The following MRPS9 variants were observed in gnomAD, a reference collection of about 807,000 sequenced individuals.
MRPS9 encodes the protein mitochondrial ribosomal protein S9, also known as small ribosomal subunit protein uS9m.
MRPS9 carries 45 observed loss-of-function variants against 59.9 expected under a neutral mutation model. The ratio of observed to expected loss-of-function variants is 0.75; its 90% CI spans 0.59 to 0.96. The LOEUF is 0.96. MRPS9 is among the 40% of genes least tolerant of loss of function. The pLI, the probability that MRPS9 is intolerant of heterozygous loss-of-function variation, is 0.00. For missense variants in MRPS9, 473 were observed against 481.1 expected, an observed-to-expected ratio of 0.98 and a Z score of 0.16; for synonymous variants, 171 against 166.8, an observed-to-expected ratio of 1.03 and a Z score of -0.19.
At chr2:105,039,795 G>T (rs75777257) in intron 1 of MRPS9, among the ~76,000 whole-genome samples, 1,870 of 152,196 alleles carry the variant, frequency 0.012, 39 homozygotes, top group African/African-American at 0.043. Context: ...GTAAACATCT[G>T]GTCTAGTTCT....
At chr2:105,091,912 TTAAAG>T (rs771958804) in intron 7 of MRPS9, among the ~76,000 whole-genome samples, 17 of 152,200 alleles carry the variant, frequency 1.1e-4, no homozygotes, top group Non-Finnish European at 2.2e-4. Context: ...ATCATAAACA[TTAAAG>T]TAACACAGCT....
At chr2:105,069,271 A>G (rs1021310398) in intron 2 of MRPS9, among the ~76,000 whole-genome samples, 3 of 148,324 alleles carry the variant, frequency 2.0e-5, no homozygotes, top group East Asian at 2.0e-4. Flanking sequence ...CTGGCGTGCA[A>G]TGGCGCGATC....
At chr2:105,053,070 C>T (rs1391157839) in intron 2 of MRPS9, among the ~76,000 whole-genome samples, 1 of 152,236 alleles carries the variant, frequency 6.6e-6, no homozygotes, top group Non-Finnish European at 1.5e-5. Context: ...AGCCCCACTT[C>T]ACTACCTTTT....
chr2:105,084,068 C>G (rs1236265978), intron 5 of MRPS9, among the ~76,000 whole-genome samples: 2 of 151,998 alleles, frequency 1.3e-5, no homozygotes, highest in East Asian at 1.9e-4. Flanking sequence ...CAAAAGCTCC[C>G]CTCATCCCAG....
chr2:105,041,006 A>G (rs534382592), intron 1 of MRPS9, among the ~76,000 whole-genome samples: 29 of 152,350 alleles, frequency 1.9e-4, no homozygotes, highest in Middle Eastern at 3.4e-3. Flanking sequence ...TTTGTCAGCA[A>G]CAATTGGTTA....
intron 2 of MRPS9, among the ~76,000 whole-genome samples, chr2:105,060,017 TAAAA>T (rs10547330): frequency 9.9e-6 from 1 of 100,600 alleles, no homozygotes. Context: ...GGAAAACTGC[TAAAA>T]AAAAAAAAAA....
chr2:105,041,647 A>C (rs1479691994), intron 1 of MRPS9, among the ~76,000 whole-genome samples: 2 of 152,142 alleles, frequency 1.3e-5, no homozygotes, highest in Non-Finnish European at 2.9e-5. Context: ...ATGGCTAAAA[A>C]ACGCTTTGAA....
At chr2:105,061,021 A>G (rs1158926546) in intron 2 of MRPS9, among the ~76,000 whole-genome samples, 1 of 144,888 alleles carries the variant, frequency 6.9e-6, no homozygotes, top group Non-Finnish European at 1.5e-5. Context: ...GAGGCAGGAG[A>G]ATGGCGTGAA....
At chr2:105,091,678 A>G (rs1354583991) in intron 7 of MRPS9, among the ~76,000 whole-genome samples, 1 of 152,202 alleles carries the variant, frequency 6.6e-6, no homozygotes, top group Non-Finnish European at 1.5e-5. Flanking sequence ...TTAACTAAGA[A>G]TCTCAAGCAT....
chr2:105,060,878 G>A (rs1027279029), intron 2 of MRPS9, among the ~76,000 whole-genome samples: 11 of 151,602 alleles, frequency 7.3e-5, no homozygotes, highest in Non-Finnish European at 1.5e-4. Context: ...TTGGGAGGCC[G>A]AGGCGGGCAG....
intron 2 of MRPS9, among the ~76,000 whole-genome samples, chr2:105,049,884 A>G (rs1679677428): frequency 6.6e-6 from 1 of 152,232 alleles, no homozygotes; most frequent in Non-Finnish European, 1.5e-5. Context: ...AGGAAGTTGA[A>G]TTTAACAACT....
At chr2:105,051,796 T>G (rs1679716367) in intron 2 of MRPS9, among the ~76,000 whole-genome samples, 1 of 152,200 alleles carries the variant, frequency 6.6e-6, no homozygotes, top group Non-Finnish European at 1.5e-5. Flanking sequence ...TCTTAACTTC[T>G]ATTGTAAATA....
chr2:105,055,767 G>A (rs1463430363), intron 2 of MRPS9, among the ~76,000 whole-genome samples: 1 of 152,058 alleles, frequency 6.6e-6, no homozygotes, highest in East Asian at 1.9e-4. Context: ...TTTATAAGTG[G>A]CTCAGCAGTA....
chr2:105,083,698 A>G (rs1276717901), intron 5 of MRPS9, among the ~76,000 whole-genome samples: 1 of 152,130 alleles, frequency 6.6e-6, no homozygotes, highest in East Asian at 1.9e-4. Context: ...ATTCTTCAGG[A>G]AAGAGGCTCT....
chr2:105,091,620 A>G (rs1193466932), intron 7 of MRPS9, among the ~76,000 whole-genome samples: 1 of 152,204 alleles, frequency 6.6e-6, no homozygotes, highest in Non-Finnish European at 1.5e-5. Flanking sequence ...TTTAACGCCG[A>G]CAAAAAACAT....
intron 2 of MRPS9, among the ~76,000 whole-genome samples, chr2:105,059,311 A>G (rs1291759572): frequency 6.6e-6 from 1 of 152,142 alleles, no homozygotes; most frequent in Non-Finnish European, 1.5e-5. Flanking sequence ...AGATTAGGAC[A>G]TCGGCAACCT....
rs796664514 is a variant in MRPS9 at position 105,088,513 on chromosome 2, A to T, written c.490-471A>T. Among the ~76,000 whole-genome samples the T allele has an allele frequency of 3.3e-5, 5 of 152,272 alleles. No individual in the cohort carries two copies. In the South Asian group the frequency reaches 8.3e-4, roughly 25 times the overall value. On this transcript the variant is annotated intron_variant, in intron 5 of 10. Transcript: ENST00000258455. Reference sequence around the variant, plus strand: ...AAAACTATATGATAAGGACTTCAATATTATTTAAATATTAAATAAGTAGTA... The same window carrying T: ...AAAACTATATGATAAGGACTTCAATTTTATTTAAATATTAAATAAGTAGTA...
chr2:105,062,483 A>G (rs527780953), intron 2 of MRPS9, among the ~76,000 whole-genome samples: 7 of 152,358 alleles, frequency 4.6e-5, no homozygotes, highest in African/African-American at 1.4e-4. Flanking sequence ...AAAGTTAGGA[A>G]TGGCCGTTAT....
At chr2:105,092,329 A>G in intron 7 of MRPS9, 72 bp from the exon 8 acceptor site, 1 of 1,363,582 alleles carries the variant, frequency 7.3e-7, no homozygotes. Flanking sequence ...AAGATCAAGT[A>G]TGCAAAAAAT....
Sources: allele counts gnomAD v4.1 joint callset (sites outside exome capture counted in the v4.1 genomes callset), GRCh38; gene constraint gnomAD v4.1.1; transcripts MANE v1.5; gene names NCBI Gene and HGNC (gene_info 2026-07-23, HGNC 2026-07-21).